The following NPAS3 variants were observed in gnomAD, a reference collection of about 807,000 sequenced individuals.
NPAS3 encodes neuronal PAS domain protein 3, also known as neuronal PAS domain-containing protein 3.
A neutral mutation model predicts 73.1 loss-of-function variants in NPAS3; 14 were observed. That is an observed-to-expected ratio of 0.19 (90% CI 0.13 to 0.30). NPAS3 has a LOEUF of 0.30. Among genes scored for constraint, NPAS3 ranks in the 10% least tolerant of loss-of-function variants. The pLI is 1.00. For synonymous variants in NPAS3, 620 were observed against 541.5 expected (o/e 1.14, Z -2.01); for missense variants, 1,096 against 1,250.0 (o/e 0.88, Z 1.86).
chr14:33,396,011 C>A (rs2047207646), intron 4 of NPAS3, among the ~76,000 whole-genome samples: 1 of 152,232 alleles, frequency 6.6e-6, no homozygotes, highest in African/African-American at 2.4e-5. Context: ...TGCCCCCATT[C>A]CCTCCAGCCC....
intron 2 of NPAS3, among the ~76,000 whole-genome samples, chr14:33,191,074 A>G (rs1371263635): frequency 6.6e-6 from 1 of 152,212 alleles, no homozygotes; most frequent in African/African-American, 2.4e-5. Flanking sequence ...ATTTAGTCAA[A>G]GCAAGTGACC....
At chr14:33,782,370 C>T (rs1371850023) in intron 9 of NPAS3, among the ~76,000 whole-genome samples, 1 of 152,164 alleles carries the variant, frequency 6.6e-6, no homozygotes, top group Non-Finnish European at 1.5e-5. Flanking sequence ...GTGCAACCAT[C>T]TACCACTCTA....
chr14:33,321,031 C>T (rs1044996778), intron 3 of NPAS3, among the ~76,000 whole-genome samples: 2 of 152,130 alleles, frequency 1.3e-5, no homozygotes, highest in African/African-American at 4.8e-5. Context: ...CAAAGCACCA[C>T]ACTAAGATGA....
intron 5 of NPAS3, among the ~76,000 whole-genome samples, chr14:33,587,843 A>G (rs7148627): frequency 0.15 from 22,242 of 152,168 alleles, 2,468 homozygotes; most frequent in East Asian, 0.51. Flanking sequence ...CCACAGCTTC[A>G]ACAGCTATGT....
At chr14:33,446,387 G>T (rs559265863) in intron 4 of NPAS3, among the ~76,000 whole-genome samples, 120 of 151,746 alleles carry the variant, frequency 7.9e-4, no homozygotes, top group South Asian at 4.2e-3. Flanking sequence ...TTGTTAGCCA[G>T]GATGGTCTCG....
At chr14:33,694,740 T>C (rs1168440114) in intron 6 of NPAS3, among the ~76,000 whole-genome samples, 1 of 152,200 alleles carries the variant, frequency 6.6e-6, no homozygotes. Context: ...TATTGATTTA[T>C]CCAATTTCCT....
At chr14:33,159,063 G>T (rs143345867) in intron 2 of NPAS3, among the ~76,000 whole-genome samples, 1 of 152,090 alleles carries the variant, frequency 6.6e-6, no homozygotes, top group Non-Finnish European at 1.5e-5. Flanking sequence ...CTCAGAGACC[G>T]AGGCAGGGGA....
intron 2 of NPAS3, among the ~76,000 whole-genome samples, chr14:33,174,662 A>G (rs905540931): frequency 1.7e-4 from 26 of 152,288 alleles, no homozygotes; most frequent in African/African-American, 4.8e-4. Flanking sequence ...GGAGTCTATT[A>G]ATCTCCACAC....
chr14:33,427,741 T>C (rs1392469803), intron 4 of NPAS3, among the ~76,000 whole-genome samples: 3 of 152,128 alleles, frequency 2.0e-5, no homozygotes, highest in Admixed American at 2.0e-4. Flanking sequence ...GCTGTATTCC[T>C]AACACTCAGA....
intron 4 of NPAS3, among the ~76,000 whole-genome samples, chr14:33,457,456 T>C (rs1164432051): frequency 6.6e-6 from 1 of 152,232 alleles, no homozygotes; most frequent in East Asian, 1.9e-4. Context: ...GGTTCTAAAC[T>C]TGAAATGTGT....
At position 33,398,016 on chromosome 14, in the gene NPAS3, T is replaced by G. The variant is rs550612009; in HGVS notation, c.468+30748T>G. Among the ~76,000 whole-genome samples, 3 of 152,272 alleles carry G rather than the reference T, an allele frequency of 2.0e-5. No individual in the cohort carries two copies. In the South Asian group the frequency reaches 6.2e-4, roughly 32 times the overall value. On this transcript the variant is annotated intron_variant, in intron 4 of 11. Transcript: ENST00000356141. ...CTGATTTATATGAAGCCTCCAATTA[T>G]CTTTTCAGTACACCAATGCCAAAAA...
chr14:33,439,468 A>G (rs961328855), intron 4 of NPAS3, among the ~76,000 whole-genome samples: 1 of 152,244 alleles, frequency 6.6e-6, no homozygotes, highest in South Asian at 2.1e-4. Flanking sequence ...AGTGTGAGGC[A>G]TGAACTTGAC....
chr14:33,460,037 C>G (rs1417147155), intron 4 of NPAS3, among the ~76,000 whole-genome samples: 1 of 152,196 alleles, frequency 6.6e-6, no homozygotes, highest in Non-Finnish European at 1.5e-5. Flanking sequence ...ACTGCTAGAT[C>G]CTTCTTGCAG....
intron 1 of NPAS3, among the ~76,000 whole-genome samples, chr14:32,950,932 G>A (rs17099741): frequency 0.025 from 3,753 of 152,212 alleles, 145 homozygotes; most frequent in African/African-American, 0.085. Context: ...GTCAATCTTT[G>A]TGTACAACAA....
chr14:33,541,433 T>C (rs1359201789), intron 4 of NPAS3, among the ~76,000 whole-genome samples: 1 of 152,212 alleles, frequency 6.6e-6, no homozygotes, highest in Non-Finnish European at 1.5e-5. Flanking sequence ...GAGCAGTTGA[T>C]GCAGTGACAG....
chr14:33,486,379 TA>T (rs1321205100), intron 4 of NPAS3, among the ~76,000 whole-genome samples: 1 of 152,098 alleles, frequency 6.6e-6, no homozygotes, highest in Non-Finnish European at 1.5e-5. Flanking sequence ...CAGCAACCAC[TA>T]AGGTTCACAG....
intron 2 of NPAS3, chr14:33,214,140 A>G (rs1356382904): frequency 1.3e-5 from 2 of 152,238 alleles, no homozygotes; most frequent in African/African-American, 4.8e-5. Context: ...TGATTTTAAT[A>G]GTACCTTGAT....
At chr14:33,297,561 A>G (rs529211216) in intron 3 of NPAS3, among the ~76,000 whole-genome samples, 4 of 152,350 alleles carry the variant, frequency 2.6e-5, no homozygotes, top group South Asian at 2.1e-4. Flanking sequence ...CTCAGTAGCC[A>G]TATTTGGTAA....
At chr14:33,708,040 C>T (rs2140479952) in intron 6 of NPAS3, among the ~76,000 whole-genome samples, 1 of 152,140 alleles carries the variant, frequency 6.6e-6, no homozygotes, top group East Asian at 1.9e-4. Context: ...CCTTACTTGG[C>T]AAGTCATCGA....
Sources: allele counts gnomAD v4.1 joint callset (sites outside exome capture counted in the v4.1 genomes callset), GRCh38; gene constraint gnomAD v4.1.1; transcripts MANE v1.5; gene names NCBI Gene and HGNC (gene_info 2026-07-23, HGNC 2026-07-21).